BTBD9: variants seen among roughly 807,000 people sequenced by gnomAD.
The protein encoded by BTBD9 is BTB domain containing 9, also known as BTB/POZ domain-containing protein 9.
A neutral mutation model predicts 64.3 loss-of-function variants in BTBD9; 49 were observed. The observed-to-expected ratio is 0.76, with a 90% confidence interval of 0.61 to 0.97. The LOEUF (loss-of-function observed/expected upper bound fraction) is 0.97. Among genes scored for constraint, BTBD9 ranks in the 50% least tolerant of loss-of-function variants. The probability of loss-of-function intolerance (pLI) is 0.00; values close to 1 mark genes in which losing one functional copy is unlikely to be tolerated. For missense variants in BTBD9, 598 were observed against 762.1 expected (o/e 0.78, Z 2.53); for synonymous variants, 260 against 274.7 (o/e 0.95, Z 0.53).
rs1762328120 is a variant in BTBD9 at position 38,300,115 on chromosome 6, A to G, written c.1265-11654T>C. On this transcript the variant is annotated intron_variant, in intron 7 of 10. Transcript: ENST00000481247. ...CCCAGCACCATTTATTAAATAGGGA[A>G]TCCTTTCCCCATTGCTTGTCTTTGT... Among the ~76,000 whole-genome samples, 3 of 152,334 alleles carry G rather than the reference A, an allele frequency of 2.0e-5. No individual in the cohort carries two copies. In the South Asian group the frequency reaches 6.2e-4, roughly 32 times the overall value.
chr6:38,556,550 T>TGTGA (rs1265472313), intron 6 of BTBD9, among the ~76,000 whole-genome samples: 3 of 61,610 alleles, frequency 4.9e-5, no homozygotes, highest in South Asian at 5.1e-4. Context: ...TGTGTGTGTG[T>TGTGA]GAGAGAGAGA....
intron 2 of BTBD9, 22 bp from the exon 3 acceptor site, chr6:38,594,349 C>T (rs1291500871): frequency 1.9e-6 from 3 of 1,554,034 alleles, no homozygotes; most frequent in African/African-American, 2.8e-5. Flanking sequence ...GGAAGAAACA[C>T]ATGAAGAAAC....
At chr6:38,512,605 G>A (rs1772824184) in intron 6 of BTBD9, among the ~76,000 whole-genome samples, 1 of 152,184 alleles carries the variant, frequency 6.6e-6, no homozygotes, top group Admixed American at 6.5e-5. Context: ...GTGTTGCTGT[G>A]AGGTAAACCA....
intron 6 of BTBD9, among the ~76,000 whole-genome samples, chr6:38,455,698 C>A (rs1011861075): frequency 6.6e-6 from 1 of 152,048 alleles, no homozygotes; most frequent in Non-Finnish European, 1.5e-5. Flanking sequence ...CAGTTTTTGT[C>A]AACTTTTTTG....
At chr6:38,269,083 A>C (rs1409462204) in intron 8 of BTBD9, among the ~76,000 whole-genome samples, 1 of 152,210 alleles carries the variant, frequency 6.6e-6, no homozygotes, top group Non-Finnish European at 1.5e-5. Context: ...GTGCTATACA[A>C]TTTAAACACT....
intron 1 of BTBD9, among the ~76,000 whole-genome samples, chr6:38,625,854 A>C (rs904404357): frequency 6.6e-6 from 1 of 152,210 alleles, no homozygotes; most frequent in African/African-American, 2.4e-5. Flanking sequence ...AATAAAACAC[A>C]TGAAGGACAT....
intron 6 of BTBD9, among the ~76,000 whole-genome samples, chr6:38,376,751 G>A (rs150872862): frequency 1.3e-4 from 20 of 152,276 alleles, no homozygotes; most frequent in African/African-American, 4.8e-4. Context: ...ATTTTAGCTA[G>A]TCTAAATACT....
intron 7 of BTBD9, among the ~76,000 whole-genome samples, chr6:38,319,943 G>A (rs757776321): frequency 1.3e-5 from 2 of 152,138 alleles, no homozygotes; most frequent in Non-Finnish European, 2.9e-5. Context: ...CTGTGATGGT[G>A]AGGCATGCCG....
intron 6 of BTBD9, among the ~76,000 whole-genome samples, chr6:38,443,837 C>T (rs57029742): frequency 0.018 from 2,712 of 152,256 alleles, 73 homozygotes; most frequent in African/African-American, 0.061. Context: ...TACTGGTCTC[C>T]CCATCCACTC....
intron 6 of BTBD9, among the ~76,000 whole-genome samples, chr6:38,472,378 A>T (rs1770688538): frequency 6.6e-6 from 1 of 152,224 alleles, no homozygotes. Flanking sequence ...AGCATGAAAC[A>T]ATAAGTTAGA....
At chr6:38,397,898 A>C (rs1057317209) in intron 6 of BTBD9, among the ~76,000 whole-genome samples, 2 of 152,236 alleles carry the variant, frequency 1.3e-5, no homozygotes, top group African/African-American at 4.8e-5. Flanking sequence ...GTCAAGTGCA[A>C]ATGCAGAGAG....
chr6:38,577,270 A>G (rs1298833269), intron 6 of BTBD9, among the ~76,000 whole-genome samples: 1 of 152,224 alleles, frequency 6.6e-6, no homozygotes, highest in Non-Finnish European at 1.5e-5. Flanking sequence ...TTCTGCTTTC[A>G]ATGTATCACA....
At chr6:38,635,107 T>C (rs1348632433) in intron 1 of BTBD9, among the ~76,000 whole-genome samples, 1 of 152,086 alleles carries the variant, frequency 6.6e-6, no homozygotes, top group African/African-American at 2.4e-5. Flanking sequence ...CCCAGAAATC[T>C]GTGCTTTACC....
At chr6:38,573,925 C>T (rs1775906225) in intron 6 of BTBD9, among the ~76,000 whole-genome samples, 1 of 152,070 alleles carries the variant, frequency 6.6e-6, no homozygotes, top group South Asian at 2.1e-4. Context: ...ACCAAGAAGA[C>T]AATTTGAAGG....
chr6:38,555,575 T>A (rs1263902339), intron 6 of BTBD9, among the ~76,000 whole-genome samples: 1 of 152,228 alleles, frequency 6.6e-6, no homozygotes, highest in Non-Finnish European at 1.5e-5. Context: ...AGTTGTTAGA[T>A]ATCTTTTAGT....
intron 10 of BTBD9, among the ~76,000 whole-genome samples, chr6:38,187,385 G>C (rs1761864110): frequency 6.6e-6 from 1 of 152,182 alleles, no homozygotes; most frequent in Non-Finnish European, 1.5e-5. Flanking sequence ...TGGTCAAGAA[G>C]GACCTCCTTG....
Position 38,173,744 on chromosome 6 carries a change from G to GA in BTBD9, c.*1240dup, listed in dbSNP as rs1378466397. ...TGCTCACGTGCCATGCCGTCCTGGGGAGACTCCCAGGCTGATGCTGATGGC... is the reference window on the plus strand; with the variant it reads ...TGCTCACGTGCCATGCCGTCCTGGGGAAGACTCCCAGGCTGATGCTGATGGC... On this transcript the variant is annotated 3_prime_UTR_variant, in exon 11 of 11. Transcript: ENST00000481247. 2.0e-5 allele frequency: 3 copies of GA among 152,288 alleles called. No individual in the cohort carries two copies. Among genetic ancestry groups the GA allele is most frequent in the Non-Finnish European group, 4.4e-5 (3 of 68,100 alleles). 9.4% of individuals were successfully genotyped at this position (152,288 alleles called of 1,614,324 possible).
intron 10 of BTBD9, among the ~76,000 whole-genome samples, chr6:38,187,789 T>C (rs186270669): frequency 6.6e-6 from 1 of 152,216 alleles, no homozygotes; most frequent in East Asian, 1.9e-4. Flanking sequence ...AGCTAAAAAA[T>C]TAAATGAATT....
intron 6 of BTBD9, among the ~76,000 whole-genome samples, chr6:38,374,313 A>ATACACG (rs1765586857): frequency 8.5e-6 from 1 of 117,434 alleles, no homozygotes; most frequent in Non-Finnish European, 1.7e-5. Flanking sequence ...ATATGTATAT[A>ATACACG]TATATATATA....
Sources: gnomAD v4.1 joint callset for allele counts (sites outside exome capture counted in the v4.1 genomes callset) on GRCh38, gnomAD v4.1.1 for gene constraint, MANE v1.5 for transcripts, NCBI Gene and HGNC (gene_info 2026-07-23, HGNC 2026-07-21) for gene names.